The following STK32B variants were observed in gnomAD, a reference collection of about 807,000 sequenced individuals.
STK32B encodes serine/threonine-protein kinase 32B.
In STK32B, 43 loss-of-function variants were observed where a neutral mutation model predicts 52.6. The ratio of observed to expected loss-of-function variants is 0.82; its 90% CI spans 0.64 to 1.05. STK32B has a LOEUF of 1.05. STK32B is among the 50% of genes least tolerant of loss of function. The pLI is 0.00. For synonymous variants in STK32B, 238 were observed against 204.3 expected, an observed-to-expected ratio of 1.17 and a Z score of -1.41; for missense variants, 621 against 534.6, an observed-to-expected ratio of 1.16 and a Z score of -1.59.
At chr4:5,057,251 A>G (rs1375035272) in intron 1 of STK32B, among the ~76,000 whole-genome samples, 2 of 152,170 alleles carry the variant, frequency 1.3e-5, no homozygotes, top group Non-Finnish European at 2.9e-5. Context: ...TGGATTTGAG[A>G]CCAGAATGGC....
At chr4:5,444,059 T>C (rs1715086638) in intron 6 of STK32B, among the ~76,000 whole-genome samples, 1 of 152,308 alleles carries the variant, frequency 6.6e-6, no homozygotes, top group Admixed American at 6.5e-5. Flanking sequence ...TTTTTGTTTG[T>C]CTGTGCCCTG....
intron 3 of STK32B, among the ~76,000 whole-genome samples, chr4:5,233,741 G>A (rs1276518834): frequency 1.3e-5 from 2 of 151,530 alleles, no homozygotes; most frequent in Admixed American, 6.6e-5. Context: ...ACACATGCGG[G>A]AGGAGGGACT....
chr4:5,308,929 G>A (rs1730108493), intron 3 of STK32B, among the ~76,000 whole-genome samples: 1 of 151,838 alleles, frequency 6.6e-6, no homozygotes, highest in South Asian at 2.1e-4. Flanking sequence ...AAAATAAAGG[G>A]CATCCAAATT....
chr4:5,319,069 G>C (rs531127472), intron 3 of STK32B, among the ~76,000 whole-genome samples: 1 of 152,142 alleles, frequency 6.6e-6, no homozygotes, highest in African/African-American at 2.4e-5. Flanking sequence ...CTCCCAAAGT[G>C]CTGGGATTAC....
chr4:5,317,890 A>T (rs1369585046), intron 3 of STK32B, among the ~76,000 whole-genome samples: 1 of 152,142 alleles, frequency 6.6e-6, no homozygotes, highest in African/African-American at 2.4e-5. Flanking sequence ...TGCTGTCCCC[A>T]TACCAACAGC....
the STK32B span, among the ~76,000 whole-genome samples, chr4:5,044,549 C>G: frequency 5.9e-5 from 9 of 152,176 alleles, no homozygotes; most frequent in Non-Finnish European, 1.2e-4. Flanking sequence ...TTTGACTCAT[C>G]TTTTTCCTTC....
upstream of STK32B, among the ~76,000 whole-genome samples, chr4:5,046,716 A>G (rs1268009871): frequency 6.6e-6 from 1 of 152,354 alleles, no homozygotes; most frequent in East Asian, 1.9e-4. Flanking sequence ...ACATTTATGC[A>G]GCCATCAAAC....
At chr4:5,164,021 C>T (rs938078204) in intron 2 of STK32B, among the ~76,000 whole-genome samples, 3 of 152,188 alleles carry the variant, frequency 2.0e-5, no homozygotes, top group African/African-American at 2.4e-5. Context: ...GTTCTGTAGA[C>T]CCATTTCACA....
chr4:5,126,965 G>C, intron 1 of STK32B: 1 of 398,804 alleles, frequency 2.5e-6, no homozygotes, highest in South Asian at 1.9e-5. Flanking sequence ...ATAGGTAATA[G>C]TTGGGATACT....
At position 5,092,958 on chromosome 4, in the gene STK32B, C is replaced by G. The variant is rs147055770; in HGVS notation, c.52+41043C>G. Among the ~76,000 whole-genome samples the G allele has an allele frequency of 2.8e-3, 433 of 151,966 alleles. 3 individuals are homozygous for G. The highest frequency in any genetic ancestry group is 0.01 in the African/African-American group (428 of 41,408). On this transcript the variant is annotated intron_variant, in intron 1 of 11. Coordinates refer to ENST00000282908, the MANE Select transcript of STK32B (RefSeq NM_018401.3). ...TATTGGAAAAATAATAAAAAGAGGG[C>G]AAAGGAAAGAACAATAAATGTGAAC...
chr4:5,289,268 A>C (rs1486804287), intron 3 of STK32B, among the ~76,000 whole-genome samples: 10 of 152,204 alleles, frequency 6.6e-5, no homozygotes, highest in African/African-American at 2.4e-4. Context: ...TAAGAGATGA[A>C]AAATGGCACA....
At chr4:5,235,499 A>G (rs563605325) in intron 3 of STK32B, among the ~76,000 whole-genome samples, 1 of 152,342 alleles carries the variant, frequency 6.6e-6, no homozygotes, top group South Asian at 2.1e-4. Context: ...TACAAGGTAT[A>G]CAGATTATCC....
At chr4:5,314,121 G>GAA (rs74581647) in intron 3 of STK32B, among the ~76,000 whole-genome samples, 7 of 149,826 alleles carry the variant, frequency 4.7e-5, no homozygotes, top group East Asian at 3.9e-4. Context: ...AAGCAATTTT[G>GAA]AAAAAAAAAT....
intron 6 of STK32B, among the ~76,000 whole-genome samples, chr4:5,437,544 T>C (rs913783118): frequency 7.2e-5 from 11 of 152,208 alleles, no homozygotes; most frequent in African/African-American, 2.4e-4. Context: ...TATCTTGAGA[T>C]ACTTGATTAC....
In STK32B at chr4:5,168,343, G is replaced by T; in HGVS notation, c.153G>T (p.Met51Ile). 1 of 1,613,954 alleles carries T rather than the reference G, an allele frequency of 6.2e-7. No individual in the cohort carries two copies. ...QKRDTKKMYA[M>I]KYMNKQKCIE... ...GAGACACTAAGAAAATGTATGCAAT[G>T]AAGTACATGAACAAGCAGAAGTGCA... Residue 51 changes from methionine to isoleucine, a missense_variant, in exon 3 of 12, where the codon ATG becomes ATT. Met to Ile is a conservative substitution (Grantham distance 10). Coordinates refer to ENST00000282908, the MANE Select transcript of STK32B (RefSeq NM_018401.3).
intron 1 of STK32B, among the ~76,000 whole-genome samples, chr4:5,124,150 C>G (rs1715223076): frequency 6.6e-6 from 1 of 152,188 alleles, no homozygotes. Context: ...GGAACTATCA[C>G]AAACCCCATC....
At chr4:5,019,416 C>A in the STK32B span, 1,510 of 1,484,766 alleles carry the variant, frequency 1.0e-3, 3 homozygotes, top group Non-Finnish European at 1.3e-3. Flanking sequence ...GGAGCAGCAG[C>A]AGCACGGGCA....
intron 3 of STK32B, among the ~76,000 whole-genome samples, chr4:5,246,623 C>T (rs764122468): frequency 5.3e-5 from 8 of 152,184 alleles, no homozygotes; most frequent in African/African-American, 7.2e-5. Flanking sequence ...TGAGGAGCTG[C>T]GTTCCTTTGG....
At chr4:5,033,315 G>A in the STK32B span, among the ~76,000 whole-genome samples, 59 of 152,278 alleles carry the variant, frequency 3.9e-4, no homozygotes, top group African/African-American at 1.4e-3. Flanking sequence ...GCCATGGCCC[G>A]TGGAAACCCT....
Sources: allele counts gnomAD v4.1 joint callset (sites outside exome capture counted in the v4.1 genomes callset), GRCh38; gene constraint gnomAD v4.1.1; transcripts MANE v1.5; gene names NCBI Gene and HGNC (gene_info 2026-07-23, HGNC 2026-07-21).